The following ELF4 variants were observed in gnomAD, a reference collection of about 807,000 sequenced individuals.
ELF4 encodes ETS-related transcription factor Elf-4.
Under a neutral mutation model 31.7 loss-of-function variants are expected in ELF4, and 10 were observed. That is an observed-to-expected ratio of 0.32 (90% CI 0.19 to 0.54). ELF4 has a LOEUF of 0.54. Ranked by LOEUF, ELF4 falls within the 20% of genes least tolerant of loss-of-function variation. The pLI, the probability that ELF4 is intolerant of heterozygous loss-of-function variation, is 0.95. For synonymous variants in ELF4, 208 were observed against 226.7 expected, an observed-to-expected ratio of 0.92 and a Z score of 0.74; for missense variants, 418 against 522.0, an observed-to-expected ratio of 0.80 and a Z score of 1.94.
At chrX:130,085,888 AGCCC>A (rs1191999071) in intron 1 of ELF4, among the ~76,000 whole-genome samples, 1 of 112,275 alleles carries the variant, frequency 8.9e-6, no homozygotes, top group Non-Finnish European at 1.9e-5. Context: ...ACTGAAAAAC[AGCCC>A]GTCCTCAGGC....
intron 1 of ELF4, among the ~76,000 whole-genome samples, chrX:130,097,559 TAA>T (rs1457473146): frequency 4.6e-4 from 52 of 112,196 alleles, no homozygotes; most frequent in African/African-American, 1.7e-3. Flanking sequence ...TTGACACAAT[TAA>T]GTGTTCAAAT....
At chrX:130,089,564 G>C (rs1241240449) in intron 1 of ELF4, among the ~76,000 whole-genome samples, 1 of 101,141 alleles carries the variant, frequency 9.9e-6, no homozygotes, top group Non-Finnish European at 2.0e-5. Flanking sequence ...AGAGTCCCAG[G>C]ATATCAAAGT....
rs748994664 is a variant in ELF4, at chrX:130,108,991, T to C, written c.-210+1334A>G. Among the ~76,000 whole-genome samples the C allele has an allele frequency of 5.4e-4, 61 of 112,705 alleles. No individual in the cohort carries two copies. In the South Asian group the frequency reaches 9.5e-3, roughly 18 times the overall value. On this transcript the variant is annotated intron_variant, in intron 1 of 8. Transcript: ENST00000308167. Reference sequence around the variant, plus strand: ...GCTCCTGTACTGGATGCACTGAATCTGAATTAATGGTTGAGAAAGCACTTT... The same window carrying C: ...GCTCCTGTACTGGATGCACTGAATCCGAATTAATGGTTGAGAAAGCACTTT...
At chrX:130,075,168 C>T (rs997584370) in intron 2 of ELF4, among the ~76,000 whole-genome samples, 1 of 111,123 alleles carries the variant, frequency 9.0e-6, no homozygotes, top group Non-Finnish European at 1.9e-5. Flanking sequence ...AAGGTTTCAT[C>T]ATGTTGGCCA....
rs775334023 is a variant in ELF4 at position 130,066,160 on chromosome X, T to G, written c.*561A>C. 1.1e-5 allele frequency: 2 copies of G among 174,661 alleles called. No homozygotes were observed. Among genetic ancestry groups the G allele is most frequent in the African/African-American group, 5.9e-5 (2 of 33,938 alleles). 14.4% of individuals were successfully genotyped at this position (174,661 alleles called of 1,213,427 possible). ...GTCTCAGAGCAACTGAATCTCGGCA[T>G]GAACAAAGGGAATTAGAGAATGCTT... On this transcript the variant is annotated 3_prime_UTR_variant, in exon 9 of 9. Transcript: ENST00000308167.
chrX:130,101,682 T>G (rs1316256752), intron 1 of ELF4, among the ~76,000 whole-genome samples: 2 of 109,670 alleles, frequency 1.8e-5, no homozygotes, highest in Non-Finnish European at 3.8e-5. Flanking sequence ...TCCCAGGTAC[T>G]CGGGAGGTCG....
chrX:130,067,723 C>T (rs1932719282), intron 8 of ELF4, among the ~76,000 whole-genome samples, 198 bp from the exon 9 acceptor site: 1 of 112,053 alleles, frequency 8.9e-6, no homozygotes, highest in Admixed American at 9.4e-5. Context: ...CTCACTGCAG[C>T]CTTGAAGCCC....
chrX:130,102,650 C>CAA (rs34986443), intron 1 of ELF4, among the ~76,000 whole-genome samples: 46 of 102,947 alleles, frequency 4.5e-4, no homozygotes, highest in Non-Finnish European at 8.1e-4. Context: ...CATACCTCTA[C>CAA]AAAAAAAAAA....
At chrX:130,102,264 G>A (rs772809654) in intron 1 of ELF4, among the ~76,000 whole-genome samples, 9 of 112,653 alleles carry the variant, frequency 8.0e-5, no homozygotes, top group Admixed American at 1.9e-4. Context: ...ACATGAAATC[G>A]CAAAGGACTT....
intron 2 of ELF4, among the ~76,000 whole-genome samples, chrX:130,078,932 C>T (rs1404603903): frequency 9.1e-6 from 1 of 110,085 alleles, no homozygotes; most frequent in Admixed American, 9.7e-5. Context: ...GCACTCCATC[C>T]TGGGTGACAG....
intron 1 of ELF4, among the ~76,000 whole-genome samples, chrX:130,092,160 C>T (rs758199675): frequency 1.8e-5 from 2 of 112,906 alleles, no homozygotes; most frequent in Non-Finnish European, 1.9e-5. Context: ...AAAGGACTCT[C>T]ACCTCTCCCC....
chrX:130,102,218 A>G (rs1933274515), intron 1 of ELF4, among the ~76,000 whole-genome samples: 1 of 113,071 alleles, frequency 8.8e-6, no homozygotes, highest in Admixed American at 9.4e-5. Context: ...GCAAATATTA[A>G]AAGAAAATGT....
chrX:130,072,273 G>A lies in ELF4; in HGVS notation c.485C>T (p.Ala162Val). The A allele has an allele frequency of 8.3e-7, 1 of 1,212,037 alleles. No homozygotes were observed. Among genetic ancestry groups the A allele is most frequent in the Non-Finnish European group, 1.1e-6 (1 of 895,538 alleles). ...DQEGHSLEEK[A>V]SREESAKKTG... ...CTTCTTGGCACTTTCCTCTCTGGAG[G>A]CCTTCTCCTCCAGAGAATGCCCCTC... is the stretch of plus-strand genomic sequence containing the variant. Residue 162 changes from alanine (A) to valine (V), a missense_variant, in exon 5 of 9, where the codon GCC becomes GTC. By Grantham distance (64) the Ala-to-Val change is moderately conservative. Around this residue, in one of 4 missense-constraint regions of ELF4, gnomAD observed 88 missense variants for 92.4 expected, o/e 0.95. Transcript: ENST00000308167.
Position 130,071,060 on chromosome X carries a change from C to T in ELF4, c.789G>A (p.Glu263=). 1 of 1,212,034 alleles carries T rather than the reference C, an allele frequency of 8.3e-7. No individual in the cohort carries two copies. Among genetic ancestry groups the T allele is most frequent in the Non-Finnish European group, 1.1e-6 (1 of 895,569 alleles). ...KQKNKPDMNY[E]TMGRALRYYY... ...CCTACCTTAGTGCCCGCCCCATTGT[C>T]TCATAGTTCATGTCAGGCTTGTTTT... Residue 263 remains glutamate, a synonymous_variant, in exon 7 of 9, where the codon GAG becomes GAA. Coordinates refer to ENST00000308167, the MANE Select transcript of ELF4 (RefSeq NM_001421.4).
Position 130,097,984 on chromosome X carries a change from C to T in ELF4, c.-210+12341G>A, listed in dbSNP as rs3788839. Among the ~76,000 whole-genome samples, 3 of 112,494 alleles carry T rather than the reference C, an allele frequency of 2.7e-5. No individual in the cohort carries two copies. The East Asian group carries it at 8.5e-4, about 32-fold the overall frequency. On this transcript the variant is annotated intron_variant, in intron 1 of 8. Coordinates refer to ENST00000308167, the MANE Select transcript of ELF4 (RefSeq NM_001421.4). ...CCCTTGCCGGGTGTTTACAGGCTGCCTTATCAGCCTGGGGAATCTGGGCCT... is the reference window on the plus strand; with the variant it reads ...CCCTTGCCGGGTGTTTACAGGCTGCTTTATCAGCCTGGGGAATCTGGGCCT...
chrX:130,110,455 G>C lies in ELF4; in HGVS notation c.-340C>G, dbSNP rs1170282675. ...GTCCTCTCCCCTCGGAAGCCGGGCC[G>C]GGCGAGCGGCGCCAGGAACTCGGCG... On this transcript the variant is annotated 5_prime_UTR_variant, in exon 1 of 9. Transcript: ENST00000308167. The C allele has an allele frequency of 1.8e-5, 2 of 110,521 alleles. No homozygotes were observed. The highest frequency in any genetic ancestry group is 3.3e-5 in the African/African-American group (1 of 30,515). 9.1% of individuals were successfully genotyped at this position (110,521 alleles called of 1,213,427 possible).
At position 130,072,220 on chromosome X, in the gene ELF4, A is replaced by T. The variant is rs747659529; in HGVS notation, c.532+6T>A. ...GACACACATACACTCACTCTCCCCC[A>T]CTTACTTCTCTTCTTTGATTTCCCA... On this transcript the variant is annotated splice_donor_region_variant and intron_variant, in intron 5 of 8. Transcript: ENST00000308167. 8.7e-7 allele frequency: 1 copy of T among 1,146,938 alleles called. No individual in the cohort carries two copies. Among genetic ancestry groups the T allele is most frequent in the East Asian group, 3.4e-5 (1 of 29,523 alleles). The allele number at this position is 1,146,938 out of a possible 1,213,427, so 94.5% of individuals were successfully genotyped here.
At chrX:130,079,324 G>C (rs1014735058) in intron 2 of ELF4, among the ~76,000 whole-genome samples, 3 of 111,043 alleles carry the variant, frequency 2.7e-5, no homozygotes, top group African/African-American at 9.8e-5. Flanking sequence ...TGGGCTTGGT[G>C]ATGCGTGCCT....
chrX:130,073,410 C>G (rs768955560), intron 4 of ELF4, among the ~76,000 whole-genome samples: 108 of 111,006 alleles, frequency 9.7e-4, no homozygotes, highest in Non-Finnish European at 1.8e-3. Flanking sequence ...TCTAAAAGAG[C>G]CACATGCTGC....
Sources: gnomAD v4.1 joint callset for allele counts (sites outside exome capture counted in the v4.1 genomes callset) on GRCh38, gnomAD v4.1.1 for gene constraint, gnomAD v4.1.1 regional missense constraint, MANE v1.5 for transcripts, NCBI Gene and HGNC (gene_info 2026-07-23, HGNC 2026-07-21) for gene names.